PID1: variants seen among roughly 807,000 people sequenced by gnomAD.
The protein encoded by PID1 is PTB-containing, cubilin and LRP1-interacting protein.
PID1 carries 10 observed loss-of-function variants against 19.1 expected under a neutral mutation model. That is an observed-to-expected ratio of 0.52 (90% CI 0.32 to 0.89). The LOEUF is 0.89. PID1 is among the 40% of genes least tolerant of loss of function. PID1 has a pLI of 0.03. For missense variants in PID1, 248 were observed against 285.3 expected, an observed-to-expected ratio of 0.87 and a Z score of 0.94; for synonymous variants, 130 against 116.0, an observed-to-expected ratio of 1.12 and a Z score of -0.78.
intron 1 of PID1, among the ~76,000 whole-genome samples, chr2:229,219,904 A>G (rs1429325080): frequency 6.6e-6 from 1 of 152,124 alleles, no homozygotes; most frequent in South Asian, 2.1e-4. Flanking sequence ...CTAAGGTCAT[A>G]TGCTAGTAAA....
rs113400780 is a variant in PID1, at chr2:229,117,657, C to G, written c.177+38161G>C. 4.2e-3 allele frequency among the ~76,000 whole-genome samples: 636 copies of G among 152,270 alleles called. 6 individuals are homozygous for G. The highest frequency in any genetic ancestry group is 0.014 in the African/African-American group (600 of 41,560). ...AGACCAAAGATCACCAACAACTCCT[C>G]TTCCTATCCCCTTTATGCCCTTCCA... is the stretch of plus-strand genomic sequence containing the variant. On this transcript the variant is annotated intron_variant, in intron 2 of 2. Coordinates refer to ENST00000392055, the MANE Select transcript of PID1 (RefSeq NM_001100818.2).
intron 1 of PID1, among the ~76,000 whole-genome samples, chr2:229,197,726 G>C: frequency 6.6e-6 from 1 of 151,854 alleles, no homozygotes; most frequent in East Asian, 1.9e-4. Flanking sequence ...AATCCCTCTT[G>C]CTTTTATTTC....
At chr2:229,080,285 C>T (rs570634473) in intron 2 of PID1, among the ~76,000 whole-genome samples, 1 of 152,326 alleles carries the variant, frequency 6.6e-6, no homozygotes, top group South Asian at 2.1e-4. Flanking sequence ...AATCTGGCTT[C>T]TACCTACCTT....
chr2:229,078,438 A>G (rs946116896), intron 2 of PID1, among the ~76,000 whole-genome samples: 4 of 152,216 alleles, frequency 2.6e-5, no homozygotes, highest in Admixed American at 1.3e-4. Context: ...ACTATGTTGC[A>G]TAGGAGTAGT....
rs78623154 is a variant in PID1, at chr2:229,045,679, G to T, written c.178-19571C>A. Among the ~76,000 whole-genome samples the T allele has an allele frequency of 5.0e-3, 759 of 152,346 alleles. 6 individuals carry two copies. The highest frequency in any genetic ancestry group is 6.4e-3 in the Non-Finnish European group (438 of 68,038). ...TACAACAAAACAGAGTTTGGGGTGGGAGTGAATTGATGAGGAAACCTTTCT... is the reference window on the plus strand; with the variant it reads ...TACAACAAAACAGAGTTTGGGGTGGTAGTGAATTGATGAGGAAACCTTTCT... On this transcript the variant is annotated intron_variant, in intron 2 of 2. Transcript: ENST00000392055.
At chr2:229,169,644 CT>C (rs1690670662) in intron 1 of PID1, among the ~76,000 whole-genome samples, 1 of 152,168 alleles carries the variant, frequency 6.6e-6, no homozygotes, top group South Asian at 2.1e-4. Context: ...AATGCTGTCT[CT>C]TTCCAACTCA....
At chr2:229,116,426 C>T (rs1695413204) in intron 2 of PID1, among the ~76,000 whole-genome samples, 1 of 152,092 alleles carries the variant, frequency 6.6e-6, no homozygotes, top group African/African-American at 2.4e-5. Context: ...TCTTGTGTTG[C>T]TGATATGGTT....
chr2:229,031,171 G>GTGCTAC (rs1251287321), intron 2 of PID1, among the ~76,000 whole-genome samples: 1 of 128,902 alleles, frequency 7.8e-6, no homozygotes, highest in African/African-American at 3.0e-5. Context: ...AGCTGAGATC[G>GTGCTAC]TGCTACTGCA....
At chr2:229,112,306 C>A (rs1054898321) in intron 2 of PID1, among the ~76,000 whole-genome samples, 53 of 152,010 alleles carry the variant, frequency 3.5e-4, no homozygotes, top group African/African-American at 1.3e-3. Flanking sequence ...TTTCTAGTTT[C>A]TCTACTAAGA....
At chr2:229,170,895 A>G (rs1690699178) in intron 1 of PID1, among the ~76,000 whole-genome samples, 1 of 152,256 alleles carries the variant, frequency 6.6e-6, no homozygotes, top group African/African-American at 2.4e-5. Context: ...AAAACAAAAC[A>G]GAGTAAACAT....
chr2:229,024,422 T>C lies in PID1; in HGVS notation c.*1210A>G, dbSNP rs557201667. The C allele has an allele frequency of 4.6e-5, 7 of 152,640 alleles. No individual in the cohort carries two copies. Among genetic ancestry groups the C allele is most frequent in the African/African-American group, 1.7e-4 (7 of 41,534 alleles). 9.5% of individuals were successfully genotyped at this position (152,640 alleles called of 1,614,324 possible). A position where few individuals can be genotyped will look rare whatever the true frequency, so the allele number is the denominator to read the frequency against. On this transcript the variant is annotated 3_prime_UTR_variant, in exon 3 of 3. Coordinates refer to ENST00000392055, the MANE Select transcript of PID1 (RefSeq NM_001100818.2). ...TGTGTTTATAATATTTAAAGAACCA[T>C]GAAATTAAGAAATCTCAGGATTGTT...
intron 2 of PID1, among the ~76,000 whole-genome samples, chr2:229,060,365 A>G (rs60372495): frequency 0.1 from 15,717 of 152,108 alleles, 1,351 homozygotes; most frequent in African/African-American, 0.2. Flanking sequence ...ATGACATCAT[A>G]CAGTATTTGT....
chr2:229,239,345 A>G (rs2106274749), intron 1 of PID1, among the ~76,000 whole-genome samples: 1 of 152,262 alleles, frequency 6.6e-6, no homozygotes, highest in African/African-American at 2.4e-5. Flanking sequence ...GAGAGGGAAA[A>G]GAGACTGAGA....
At chr2:229,067,912 G>A (rs1436025767) in intron 2 of PID1, among the ~76,000 whole-genome samples, 4 of 152,136 alleles carry the variant, frequency 2.6e-5, no homozygotes, top group Admixed American at 6.5e-5. Flanking sequence ...GGCAGGGCAA[G>A]GTCTCTCTAT....
At position 229,250,907 on chromosome 2, in the gene PID1, AC is replaced by A. The variant is rs552655172; in HGVS notation, c.30+20106del. Among the ~76,000 whole-genome samples, 3 of 152,276 alleles carry A rather than the reference AC, an allele frequency of 2.0e-5. No individual in the cohort carries two copies. In the East Asian group the frequency reaches 5.8e-4, roughly 29 times the overall value. On this transcript the variant is annotated intron_variant, in intron 1 of 2. Coordinates refer to ENST00000392055, the MANE Select transcript of PID1 (RefSeq NM_001100818.2). Reference sequence around the variant, plus strand: ...TTGAGCACAGGGACCTCTTCTTTATACCCACCTTAAAACTCAGTTTGGCTCC... The same window carrying A: ...TTGAGCACAGGGACCTCTTCTTTATACCACCTTAAAACTCAGTTTGGCTCC...
rs146500200 is a variant in PID1, at chr2:229,134,900, G to A, written c.177+20918C>T. On this transcript the variant is annotated intron_variant, in intron 2 of 2. Transcript: ENST00000392055. The stretch of plus-strand genomic sequence containing the variant: ...AATGTATATTACTTTTACTATGTCC[G>A]TGGGATAAATCCCCACAAATAGAAA... Among the ~76,000 whole-genome samples the A allele has an allele frequency of 3.2e-4, 48 of 149,908 alleles. 2 individuals are homozygous for A. The East Asian group carries it at 9.1e-3, about 28-fold the overall frequency.
chr2:229,047,698 C>T (rs2106180870), intron 2 of PID1, among the ~76,000 whole-genome samples: 1 of 152,260 alleles, frequency 6.6e-6, no homozygotes, highest in African/African-American at 2.4e-5. Context: ...CCCAATTATA[C>T]ACCAGTTTAG....
At chr2:229,232,742 G>A (rs1229751818) in intron 1 of PID1, among the ~76,000 whole-genome samples, 2 of 146,468 alleles carry the variant, frequency 1.4e-5, no homozygotes, top group African/African-American at 5.0e-5. Flanking sequence ...TGTTAATAAT[G>A]TTTGTTGACT....
chr2:229,155,987 A>C, intron 1 of PID1, 23 bp from the exon 2 acceptor site: 1 of 1,607,934 alleles, frequency 6.2e-7, no homozygotes, highest in Non-Finnish European at 8.5e-7. Flanking sequence ...AAAATAAGCC[A>C]CATGTAGTTT....
Sources: gnomAD v4.1 joint callset for allele counts (sites outside exome capture counted in the v4.1 genomes callset) on GRCh38, gnomAD v4.1.1 for gene constraint, MANE v1.5 for transcripts, NCBI Gene and HGNC (gene_info 2026-07-23, HGNC 2026-07-21) for gene names.